Variants in SNX7 observed in about 807,000 individuals in gnomAD.
The protein encoded by SNX7 is sorting nexin 7.
Under a neutral mutation model 48.4 loss-of-function variants are expected in SNX7, and 35 were observed. That is an observed-to-expected ratio of 0.72 (90% confidence interval 0.55 to 0.96). The LOEUF (loss-of-function observed/expected upper bound fraction) is 0.96, where lower values mean the gene tolerates loss of function less well. SNX7 is among the 40% of genes least tolerant of loss of function. The probability of loss-of-function intolerance (pLI) is 0.00; values close to 1 mark genes in which losing one functional copy is unlikely to be tolerated. For missense variants in SNX7, 553 were observed against 548.9 expected, an observed-to-expected ratio of 1.01 and a Z score of -0.07; for synonymous variants, 190 against 190.2, an observed-to-expected ratio of 1.00 and a Z score of 0.01.
chr1:98,728,725 A>C (rs1025723104), intron 7 of SNX7, among the ~76,000 whole-genome samples: 1 of 152,214 alleles, frequency 6.6e-6, no homozygotes, highest in Admixed American at 6.5e-5. Flanking sequence ...TAAAGGGTTC[A>C]TTTCAGCAAG....
intron 7 of SNX7, among the ~76,000 whole-genome samples, chr1:98,732,060 G>T (rs1653540433): frequency 1.3e-5 from 2 of 152,078 alleles, no homozygotes; most frequent in African/African-American, 4.8e-5. Context: ...ATTGAATGTG[G>T]TTGGCTTTCT....
At chr1:98,724,308 T>C (rs955167555) in intron 7 of SNX7, among the ~76,000 whole-genome samples, 6 of 152,072 alleles carry the variant, frequency 3.9e-5, no homozygotes, top group African/African-American at 7.2e-5. Flanking sequence ...TCACTTTCTT[T>C]TTTAGGACTT....
intron 1 of SNX7, among the ~76,000 whole-genome samples, chr1:98,674,723 C>G (rs1346685323): frequency 6.6e-6 from 1 of 152,148 alleles, no homozygotes; most frequent in African/African-American, 2.4e-5. Context: ...GCAATAAATT[C>G]TATTATCATG....
intron 7 of SNX7, among the ~76,000 whole-genome samples, chr1:98,708,516 A>T (rs1349867187): frequency 6.6e-6 from 1 of 152,126 alleles, no homozygotes; most frequent in African/African-American, 2.4e-5. Context: ...AGAGTAGAGG[A>T]TGGATTCTGG....
chr1:98,708,044 G>A (rs1652101922), intron 7 of SNX7, among the ~76,000 whole-genome samples: 1 of 152,166 alleles, frequency 6.6e-6, no homozygotes, highest in Admixed American at 6.6e-5. Context: ...CTTGTGATCA[G>A]AGGTGAAGGT....
chr1:98,699,449 T>A (rs1651638907), intron 6 of SNX7, among the ~76,000 whole-genome samples: 2 of 152,162 alleles, frequency 1.3e-5, no homozygotes, highest in South Asian at 4.1e-4. Flanking sequence ...CTTCCTCAGT[T>A]CAAGTTAAGG....
At chr1:98,758,670 A>G (rs1338717271) in intron 8 of SNX7, among the ~76,000 whole-genome samples, 1 of 152,072 alleles carries the variant, frequency 6.6e-6, no homozygotes, top group African/African-American at 2.4e-5. Context: ...TTCAAAATAT[A>G]TGACAAAATA....
intron 6 of SNX7, 56 bp from the exon 7 acceptor site, chr1:98,701,761 G>A (rs1651761029): frequency 8.3e-7 from 1 of 1,203,696 alleles, no homozygotes; most frequent in East Asian, 2.5e-5. Flanking sequence ...TTTTGCTATA[G>A]GAAAGATTAT....
At chr1:98,710,740 T>G (rs10783100) in intron 7 of SNX7, among the ~76,000 whole-genome samples, 78,203 of 152,040 alleles carry the variant, frequency 0.51, 20,192 homozygotes, top group Admixed American at 0.53. Flanking sequence ...GCCTGGGCAC[T>G]TAATAAATAT....
chr1:98,681,678 A>G (rs1161374872), intron 1 of SNX7, among the ~76,000 whole-genome samples: 2 of 152,200 alleles, frequency 1.3e-5, no homozygotes, highest in Non-Finnish European at 1.5e-5. Flanking sequence ...GAAGGGGACC[A>G]GAGATATAAC....
chr1:98,745,848 A>T (rs1354787730), intron 8 of SNX7, among the ~76,000 whole-genome samples: 2 of 152,070 alleles, frequency 1.3e-5, no homozygotes, highest in Non-Finnish European at 2.9e-5. Flanking sequence ...GGAAAACAAC[A>T]ACTTTTCATC....
intron 7 of SNX7, among the ~76,000 whole-genome samples, chr1:98,713,014 C>G (rs1484835963): frequency 6.7e-6 from 1 of 149,226 alleles, no homozygotes; most frequent in Non-Finnish European, 1.5e-5. Context: ...TTGCTTAAAC[C>G]TAGGAGGCAG....
At chr1:98,744,791 C>T (rs951759253) in intron 8 of SNX7, among the ~76,000 whole-genome samples, 18 of 151,946 alleles carry the variant, frequency 1.2e-4, no homozygotes, top group African/African-American at 4.1e-4. Flanking sequence ...GGCTGGGTAT[C>T]TTCTGTTTTT....
Position 98,730,963 on chromosome 1 carries a change from G to A in SNX7, c.1126-7274G>A, listed in dbSNP as rs538842163. ...AATGGGAGCTGAACAGTGAGAACAC[G>A]TGGACACAGGGCGGCAGAGGTGGGG... is the stretch of plus-strand genomic sequence containing the variant. On this transcript the variant is annotated intron_variant, in intron 7 of 8. Transcript: ENST00000306121. 7.9e-5 allele frequency among the ~76,000 whole-genome samples: 12 copies of A among 152,186 alleles called. No individual in the cohort carries two copies. In the East Asian group the frequency reaches 9.7e-4, roughly 12 times the overall value.
intron 1 of SNX7, chr1:98,662,687 T>G (rs1347622659): frequency 7.8e-7 from 1 of 1,289,178 alleles, no homozygotes; most frequent in Admixed American, 2.3e-5. Flanking sequence ...GAAAAATACC[T>G]TTCTTGCAGG....
At chr1:98,721,060 C>T (rs1040830013) in intron 7 of SNX7, among the ~76,000 whole-genome samples, 2 of 150,886 alleles carry the variant, frequency 1.3e-5, no homozygotes, top group African/African-American at 4.9e-5. Flanking sequence ...AATAGATGTT[C>T]ATTTTTAATT....
chr1:98,752,193 C>T (rs1395173886), intron 8 of SNX7, among the ~76,000 whole-genome samples: 28 of 151,990 alleles, frequency 1.8e-4, no homozygotes, highest in Admixed American at 6.6e-5. Context: ...ACAGTAAATA[C>T]TCACTGTAAT....
At chr1:98,730,624 G>C in intron 7 of SNX7, among the ~76,000 whole-genome samples, 1 of 151,902 alleles carries the variant, frequency 6.6e-6, no homozygotes, top group South Asian at 2.1e-4. Context: ...CAAGCAGAGA[G>C]ACAAATCATG....
intron 4 of SNX7, among the ~76,000 whole-genome samples, chr1:98,692,870 A>G (rs1182117170): frequency 6.6e-6 from 1 of 152,200 alleles, no homozygotes; most frequent in African/African-American, 2.4e-5. Flanking sequence ...TTTATAATAG[A>G]TTTATACACA....
Sources: allele counts gnomAD v4.1 joint callset (sites outside exome capture counted in the v4.1 genomes callset), GRCh38; gene constraint gnomAD v4.1.1; transcripts MANE v1.5; gene names NCBI Gene and HGNC (gene_info 2026-07-23, HGNC 2026-07-21).